The following USP49 variants were observed in gnomAD, a reference collection of about 807,000 sequenced individuals.
USP49 encodes ubiquitin carboxyl-terminal hydrolase 49.
A neutral mutation model predicts 58.6 loss-of-function variants in USP49; 24 were observed. The ratio of observed to expected loss-of-function variants is 0.41; its 90% CI spans 0.30 to 0.58. USP49 has a LOEUF of 0.58. USP49 is among the 20% of genes least tolerant of loss of function. The probability of loss-of-function intolerance (pLI) is 0.30; values close to 1 mark genes in which losing one functional copy is unlikely to be tolerated. For synonymous variants in USP49, 408 were observed against 365.1 expected (o/e 1.12, Z -1.34); for missense variants, 703 against 866.1 (o/e 0.81, Z 2.36).
chr6:41,844,566 G>C (rs1255646488), intron 3 of USP49, among the ~76,000 whole-genome samples: 3 of 152,116 alleles, frequency 2.0e-5, no homozygotes, highest in African/African-American at 4.8e-5. Flanking sequence ...GCCTGTCTTG[G>C]CCTCCCAAAG....
At chr6:41,846,482 A>T (rs1183923245) in intron 3 of USP49, among the ~76,000 whole-genome samples, 1 of 152,210 alleles carries the variant, frequency 6.6e-6, no homozygotes, top group African/African-American at 2.4e-5. Context: ...AGATATTCAG[A>T]TTATTTACTG....
chr6:41,828,260 T>C (rs1451864389), intron 3 of USP49, among the ~76,000 whole-genome samples: 1 of 151,624 alleles, frequency 6.6e-6, no homozygotes, highest in Non-Finnish European at 1.5e-5. Flanking sequence ...CTGGCCAACA[T>C]GGGGAAACCC....
In USP49 at chr6:41,792,635, A is replaced by G. The variant is rs1239589747; in HGVS notation, c.*3898T>C. 2 of 152,272 alleles carry G rather than the reference A, an allele frequency of 1.3e-5. No individual in the cohort carries two copies. Among genetic ancestry groups the G allele is most frequent in the Non-Finnish European group, 2.9e-5 (2 of 68,052 alleles). 9.4% of individuals were successfully genotyped at this position (152,272 alleles called of 1,614,324 possible). A position where few individuals can be genotyped will look rare whatever the true frequency, so the allele number is the denominator to read the frequency against. On this transcript the variant is annotated 3_prime_UTR_variant, in exon 8 of 8. Coordinates refer to ENST00000682992, the MANE Select transcript of USP49 (RefSeq NM_001286554.2). Reference sequence around the variant, plus strand: ...CTTGAAAAGCAGCCATTTGATGAACAGTCACAAATACAAAGAATTTGGACA... The same window carrying G: ...CTTGAAAAGCAGCCATTTGATGAACGGTCACAAATACAAAGAATTTGGACA...
chr6:41,797,824 C>T, intron 7 of USP49: 2 of 984,902 alleles, frequency 2.0e-6, no homozygotes, highest in South Asian at 4.7e-5. Context: ...ACTACAATAT[C>T]CTCTAACACT....
intron 2 of USP49, among the ~76,000 whole-genome samples, chr6:41,879,698 G>A (rs1022618662): frequency 6.6e-6 from 1 of 152,206 alleles, no homozygotes; most frequent in African/African-American, 2.4e-5. Flanking sequence ...TGGTGATTAA[G>A]AGAAAGTTGA....
chr6:41,832,618 G>C (rs1773654563), intron 3 of USP49, among the ~76,000 whole-genome samples: 1 of 152,110 alleles, frequency 6.6e-6, no homozygotes, highest in African/African-American at 2.4e-5. Context: ...TTATTATGAG[G>C]ACTGGGTTGT....
intron 3 of USP49, among the ~76,000 whole-genome samples, chr6:41,809,690 G>T (rs995065092): frequency 6.6e-6 from 1 of 151,916 alleles, no homozygotes; most frequent in Non-Finnish European, 1.5e-5. Flanking sequence ...GCCAGGCGTG[G>T]TGGTGGGCGC....
intron 2 of USP49, chr6:41,887,330 G>C (rs1405351587): frequency 6.6e-6 from 1 of 152,196 alleles, no homozygotes; most frequent in Non-Finnish European, 1.5e-5. Flanking sequence ...AAGAAGCACT[G>C]CTGGGTTCTA....
chr6:41,865,196 C>A (rs547681941), intron 3 of USP49, among the ~76,000 whole-genome samples: 90 of 152,258 alleles, frequency 5.9e-4, no homozygotes, highest in Admixed American at 1.8e-3. Flanking sequence ...AGGCACCCGC[C>A]ATCATGCCCG....
chr6:41,834,946 T>C (rs756242701), intron 3 of USP49, among the ~76,000 whole-genome samples: 1 of 152,142 alleles, frequency 6.6e-6, no homozygotes, highest in Non-Finnish European at 1.5e-5. Flanking sequence ...TAATATATGA[T>C]TGTATTCAAG....
intron 3 of USP49, among the ~76,000 whole-genome samples, chr6:41,816,513 G>A (rs1367350184): frequency 1.3e-5 from 2 of 152,032 alleles, no homozygotes; most frequent in Non-Finnish European, 2.9e-5. Flanking sequence ...GTTTCCTTAA[G>A]GCTCCATCCT....
At position 41,792,574 on chromosome 6, in the gene USP49, CAAGGG is replaced by C. The variant is rs745397160; in HGVS notation, c.*3954_*3958del. On this transcript the variant is annotated 3_prime_UTR_variant, in exon 8 of 8. Transcript: ENST00000682992. ...GCCCAAGTCAATGTATGGAACATGA[CAAGGG>C]AAGTGAAAAACAATGGAGTACACAG... 8 of 152,156 alleles carry C rather than the reference CAAGGG, an allele frequency of 5.3e-5. No individual in the cohort carries two copies. The highest frequency in any genetic ancestry group is 1.0e-4 in the Non-Finnish European group (7 of 68,042). The allele number at this position is 152,156 out of a possible 1,614,324, so 9.4% of individuals were successfully genotyped here. A position where few individuals can be genotyped will look rare whatever the true frequency, so the allele number is the denominator to read the frequency against.
chr6:41,794,640 G>C lies in USP49; in HGVS notation c.*1893C>G, dbSNP rs1349350919. 5 of 152,094 alleles carry C rather than the reference G, an allele frequency of 3.3e-5. No homozygotes were observed. Among genetic ancestry groups the C allele is most frequent in the Non-Finnish European group, 5.9e-5 (4 of 68,026 alleles). 9.4% of individuals were successfully genotyped at this position (152,094 alleles called of 1,614,324 possible). On this transcript the variant is annotated 3_prime_UTR_variant, in exon 8 of 8. Transcript: ENST00000682992. ...ATCTTGAGAGTACAGCTTCACATCA[G>C]AGCCTCTGGCAGCATGGACAGCGGT...
At chr6:41,833,198 A>C (rs1002528029) in intron 3 of USP49, among the ~76,000 whole-genome samples, 3 of 150,576 alleles carry the variant, frequency 2.0e-5, no homozygotes, top group Admixed American at 2.0e-4. Flanking sequence ...TTGTATTTTT[A>C]GTAGAGATGG....
rs752353657 is a variant in USP49, at chr6:41,853,999, C to CAAAAAAAAAAAAA, written c.-29+17564_-29+17565insTTTTTTTTTTTTT. ...GGGCAACAACAGCGAGACTCTGTCT[C>CAAAAAAAAAAAAA]GAAAAAAAAAAAAAAAAAAAAAAAG... On this transcript the variant is annotated intron_variant, in intron 3 of 7. Coordinates refer to ENST00000682992, the MANE Select transcript of USP49 (RefSeq NM_001286554.2). 3.4e-5 allele frequency among the ~76,000 whole-genome samples: 2 copies of CAAAAAAAAAAAAA among 58,870 alleles called. 1 individual carries two copies. 38.6% of individuals were successfully genotyped at this position (58,870 alleles called of 152,430 possible).
intron 2 of USP49, chr6:41,873,146 G>A (rs1002011315): frequency 6.6e-6 from 1 of 152,272 alleles, no homozygotes; most frequent in African/African-American, 2.4e-5. Flanking sequence ...TAGTATAATG[G>A]AGCAGAGCTG....
At chr6:41,837,495 T>C (rs1393622099) in intron 3 of USP49, among the ~76,000 whole-genome samples, 2 of 152,138 alleles carry the variant, frequency 1.3e-5, no homozygotes, top group Non-Finnish European at 2.9e-5. Context: ...CCTAAAACTA[T>C]AAAACCTCTA....
intron 3 of USP49, among the ~76,000 whole-genome samples, chr6:41,858,938 A>G (rs532307530): frequency 6.6e-6 from 1 of 152,296 alleles, no homozygotes; most frequent in Non-Finnish European, 1.5e-5. Context: ...GGTCACAGCT[A>G]TATCTCAAGC....
chr6:41,796,342 G>A lies in USP49; in HGVS notation c.*191C>T, dbSNP rs6902650. ...CTTCTTTTGTTTTTAGGAAAGGAGG[G>A]AACTCCCAAACTCATTCAAAAGAAA... On this transcript the variant is annotated 3_prime_UTR_variant, in exon 8 of 8. Coordinates refer to ENST00000682992, the MANE Select transcript of USP49 (RefSeq NM_001286554.2). 258,293 of 495,560 alleles carry A rather than the reference G, an allele frequency of 0.52. 69,045 individuals are homozygous for A. The highest frequency in any genetic ancestry group is 0.65 in the Admixed American group (20,183 of 30,954). The allele number at this position is 495,560 out of a possible 1,614,324, so 30.7% of individuals were successfully genotyped here. A position where few individuals can be genotyped will look rare whatever the true frequency, so the allele number is the denominator to read the frequency against.
Sources: gnomAD v4.1 joint callset for allele counts (sites outside exome capture counted in the v4.1 genomes callset) on GRCh38, gnomAD v4.1.1 for gene constraint, MANE v1.5 for transcripts, NCBI Gene and HGNC (gene_info 2026-07-23, HGNC 2026-07-21) for gene names.